The following FNBP1 variants were observed in gnomAD, a reference collection of about 807,000 sequenced individuals.
The protein encoded by FNBP1 is formin binding protein 1, also known as formin-binding protein 1.
In FNBP1, 26 loss-of-function variants were observed where a neutral mutation model predicts 90.6. The ratio of observed to expected loss-of-function variants is 0.29; its 90% CI spans 0.21 to 0.40. The LOEUF is 0.40. Among genes scored for constraint, FNBP1 ranks in the 10% least tolerant of loss-of-function variants. FNBP1 has a pLI of 1.00. For missense variants in FNBP1, 635 were observed against 768.0 expected (o/e 0.83, Z 2.05); for synonymous variants, 260 against 265.2 (o/e 0.98, Z 0.19).
At chr9:130,023,372 C>T (rs908732893) in intron 1 of FNBP1, among the ~76,000 whole-genome samples, 9 of 152,174 alleles carry the variant, frequency 5.9e-5, no homozygotes, top group Non-Finnish European at 1.2e-4. Flanking sequence ...TCAGAGCTCA[C>T]TGGCGTGTGT....
intron 15 of FNBP1, 137 bp downstream of exon 15, chr9:129,899,828 G>A (rs1187868855): frequency 1.5e-6 from 1 of 673,174 alleles, no homozygotes; most frequent in African/African-American, 1.9e-5. Flanking sequence ...AAGGGGAAGG[G>A]AAGGTAGGAA....
At chr9:129,938,379 G>A (rs1384893742) in intron 6 of FNBP1, among the ~76,000 whole-genome samples, 3 of 152,088 alleles carry the variant, frequency 2.0e-5, no homozygotes, top group African/African-American at 7.2e-5. Flanking sequence ...TTCAGATAGA[G>A]TGCTGTGAGT....
chr9:129,968,622 A>C (rs997940301), intron 4 of FNBP1, among the ~76,000 whole-genome samples: 3 of 152,176 alleles, frequency 2.0e-5, no homozygotes, highest in Non-Finnish European at 4.4e-5. Context: ...GACCTATTGA[A>C]TATCTAACTT....
chr9:129,909,641 T>G (rs1284583999), intron 11 of FNBP1, among the ~76,000 whole-genome samples: 2 of 152,104 alleles, frequency 1.3e-5, no homozygotes, highest in Non-Finnish European at 2.9e-5. Context: ...TTTTTTTCCT[T>G]GAGACAGAGT....
chr9:129,997,252 C>T (rs996685245), intron 1 of FNBP1, among the ~76,000 whole-genome samples: 3 of 152,014 alleles, frequency 2.0e-5, no homozygotes, highest in African/African-American at 7.2e-5. Context: ...TGTTTGAACC[C>T]AGGAGGCAGA....
At chr9:129,904,881 T>C (rs146901780) in intron 12 of FNBP1, among the ~76,000 whole-genome samples, 9 of 152,304 alleles carry the variant, frequency 5.9e-5, no homozygotes, top group African/African-American at 2.2e-4. Context: ...CCTTGGCACA[T>C]AGTAGATGCT....
chr9:129,935,987 G>A (rs982872239), intron 6 of FNBP1, among the ~76,000 whole-genome samples: 4 of 151,948 alleles, frequency 2.6e-5, no homozygotes, highest in Non-Finnish European at 4.4e-5. Context: ...AAAAGTAATC[G>A]CAGTTTTTGT....
chr9:130,003,775 T>A (rs1168950330), intron 1 of FNBP1, among the ~76,000 whole-genome samples: 3 of 150,670 alleles, frequency 2.0e-5, no homozygotes, highest in Non-Finnish European at 4.4e-5. Context: ...TACAAAAAAT[T>A]AGCTGGGCAT....
intron 1 of FNBP1, among the ~76,000 whole-genome samples, chr9:130,012,832 G>A (rs2056793381): frequency 6.6e-6 from 1 of 151,966 alleles, no homozygotes; most frequent in South Asian, 2.1e-4. Flanking sequence ...GTGGAGACAG[G>A]GTTTCACCAT....
chr9:129,939,214 C>T (rs569629130), intron 6 of FNBP1, among the ~76,000 whole-genome samples: 16 of 151,972 alleles, frequency 1.1e-4, no homozygotes, highest in Non-Finnish European at 1.8e-4. Flanking sequence ...TATGATGAAA[C>T]CCCGTCTCTA....
At chr9:129,977,933 GA>G (rs1396118806) in intron 4 of FNBP1, among the ~76,000 whole-genome samples, 1 of 152,020 alleles carries the variant, frequency 6.6e-6, no homozygotes, top group Non-Finnish European at 1.5e-5. Context: ...TGGGTCCACA[GA>G]TGAGTTTCAG....
intron 1 of FNBP1, among the ~76,000 whole-genome samples, chr9:130,038,623 C>G (rs1014623093): frequency 2.6e-5 from 4 of 152,064 alleles, no homozygotes; most frequent in African/African-American, 9.7e-5. Flanking sequence ...TCTCAAACTC[C>G]TGATGTCGTG....
At chr9:130,003,418 A>G (rs1589197872) in intron 1 of FNBP1, among the ~76,000 whole-genome samples, 1 of 152,202 alleles carries the variant, frequency 6.6e-6, no homozygotes, top group East Asian at 1.9e-4. Context: ...TGCCTGGCCA[A>G]TATGACGAAA....
intron 2 of FNBP1, among the ~76,000 whole-genome samples, chr9:129,987,457 G>A (rs950041134): frequency 3.3e-5 from 5 of 152,112 alleles, no homozygotes; most frequent in East Asian, 1.9e-4. Flanking sequence ...AGTCAATTGA[G>A]CCTGTTTAGA....
intron 4 of FNBP1, among the ~76,000 whole-genome samples, chr9:129,959,216 A>T (rs2047422500): frequency 6.7e-6 from 1 of 150,282 alleles, no homozygotes; most frequent in African/African-American, 2.5e-5. Flanking sequence ...AAGCTCACCT[A>T]AGCCTGGGAG....
chr9:129,967,084 TAAGAG>T (rs1427205371), intron 4 of FNBP1, among the ~76,000 whole-genome samples: 2 of 152,114 alleles, frequency 1.3e-5, no homozygotes, highest in Non-Finnish European at 2.9e-5. Context: ...AGATGGTGTG[TAAGAG>T]AAAAGAGAAA....
At chr9:130,052,269 T>C in the FNBP1 span, among the ~76,000 whole-genome samples, 1 of 152,206 alleles carries the variant, frequency 6.6e-6, no homozygotes, top group African/African-American at 2.4e-5. Context: ...TGACCCTATG[T>C]AGGTCACATG....
At chr9:130,015,575 C>T (rs564980916) in intron 1 of FNBP1, among the ~76,000 whole-genome samples, 2 of 152,302 alleles carry the variant, frequency 1.3e-5, no homozygotes, top group South Asian at 4.1e-4. Flanking sequence ...ACAAGGATCC[C>T]TAACTTGCTG....
chr9:130,009,738 G>T (rs2056292843), intron 1 of FNBP1, among the ~76,000 whole-genome samples: 1 of 152,094 alleles, frequency 6.6e-6, no homozygotes, highest in South Asian at 2.1e-4. Context: ...GGAGGTGGAG[G>T]CTGCAGTCAG....
Sources: gnomAD v4.1 joint callset for allele counts (sites outside exome capture counted in the v4.1 genomes callset) on GRCh38, gnomAD v4.1.1 for gene constraint, MANE v1.5 for transcripts, NCBI Gene and HGNC (gene_info 2026-07-23, HGNC 2026-07-21) for gene names.